Variants in NUP98 observed in about 807,000 individuals in gnomAD.
NUP98 encodes the protein nucleoporin 98 and 96 precursor.
Under a neutral mutation model 191.9 loss-of-function variants are expected in NUP98, and 26 were observed. The ratio of observed to expected loss-of-function variants is 0.14; its 90% CI spans 0.10 to 0.19. The LOEUF (loss-of-function observed/expected upper bound fraction) is 0.19. Among genes scored for constraint, NUP98 ranks in the 10% least tolerant of loss-of-function variants. The pLI, the probability that NUP98 is intolerant of heterozygous loss-of-function variation, is 1.00. For missense variants in NUP98, 1,941 were observed against 2,178.8 expected, an observed-to-expected ratio of 0.89 and a Z score of 2.17; for synonymous variants, 808 against 778.4, an observed-to-expected ratio of 1.04 and a Z score of -0.63.
intron 30 of NUP98, among the ~76,000 whole-genome samples, chr11:3,681,495 T>C (rs2077982638): frequency 6.6e-6 from 1 of 152,248 alleles, no homozygotes; most frequent in Non-Finnish European, 1.5e-5. Context: ...CCTTTGCCCA[T>C]GGGTTGCAGA....
chr11:3,703,827 A>G (rs113217953), intron 22 of NUP98, among the ~76,000 whole-genome samples: 2 of 152,090 alleles, frequency 1.3e-5, no homozygotes, highest in African/African-American at 4.8e-5. Flanking sequence ...TTAAAAAAAA[A>G]TTTTTTTAAC....
At chr11:3,784,933 T>G (rs1203887717) in intron 1 of NUP98, among the ~76,000 whole-genome samples, 3 of 152,046 alleles carry the variant, frequency 2.0e-5, no homozygotes, top group Non-Finnish European at 4.4e-5. Context: ...GACCAGGAGT[T>G]CGAGACCAGC....
chr11:3,757,202 T>C (rs7933512), intron 10 of NUP98, among the ~76,000 whole-genome samples: 28,683 of 151,426 alleles, frequency 0.19, 2,794 homozygotes, highest in Non-Finnish European at 0.22. Context: ...CAGATAAAAA[T>C]AACGGGCTGG....
intron 20 of NUP98, chr11:3,711,745 A>T (rs1273836215): frequency 1.2e-5 from 7 of 567,908 alleles, no homozygotes; most frequent in Non-Finnish European, 1.6e-5. Context: ...TTATAAACAT[A>T]AAAGTCAATA....
chr11:3,694,076 C>CAAAA (rs35430290), intron 26 of NUP98, among the ~76,000 whole-genome samples: 1 of 110,730 alleles, frequency 9.0e-6, no homozygotes. Flanking sequence ...ATTAAAAATA[C>CAAAA]AAAAAAAAAA....
At chr11:3,717,118 C>T (rs1378110342) in intron 18 of NUP98, among the ~76,000 whole-genome samples, 9 of 152,252 alleles carry the variant, frequency 5.9e-5, no homozygotes, top group South Asian at 2.1e-4. Context: ...CCTCAGCCTC[C>T]GGAGTAGCTG....
At chr11:3,729,864 G>A (rs973130244) in intron 14 of NUP98, among the ~76,000 whole-genome samples, 4 of 151,924 alleles carry the variant, frequency 2.6e-5, no homozygotes, top group African/African-American at 9.7e-5. Flanking sequence ...CCTAAGCCCT[G>A]GTGAAGCTGA....
chr11:3,752,143 CA>C (rs112322581), intron 11 of NUP98, among the ~76,000 whole-genome samples: 216 of 121,322 alleles, frequency 1.8e-3, no homozygotes, highest in Admixed American at 3.8e-3. Context: ...GACTCCATCT[CA>C]AAAAAAAAAA....
At chr11:3,736,294 T>C (rs962749429) in intron 12 of NUP98, among the ~76,000 whole-genome samples, 1 of 152,296 alleles carries the variant, frequency 6.6e-6, no homozygotes, top group South Asian at 2.1e-4. Flanking sequence ...AGAAAATAAA[T>C]TCCTAAGCAT....
intron 5 of NUP98, 31 bp downstream of exon 5, chr11:3,775,851 C>A: frequency 6.3e-7 from 1 of 1,598,856 alleles, no homozygotes; most frequent in Non-Finnish European, 8.5e-7. Flanking sequence ...CGGGAAAAAA[C>A]ATTCCACAAA....
At chr11:3,682,853 A>C (rs1013192186) in intron 30 of NUP98, among the ~76,000 whole-genome samples, 4 of 152,224 alleles carry the variant, frequency 2.6e-5, no homozygotes, top group African/African-American at 9.6e-5. Context: ...CTGTATTCTG[A>C]AATTCTCCAA....
chr11:3,759,468 G>A (rs985769279), intron 10 of NUP98, among the ~76,000 whole-genome samples: 3 of 151,976 alleles, frequency 2.0e-5, no homozygotes, highest in Non-Finnish European at 2.9e-5. Flanking sequence ...ACAGTGGTGC[G>A]TGCCTGTATT....
chr11:3,725,070 A>G (rs1446755572), intron 15 of NUP98, 33 bp downstream of exon 15: 1 of 949,198 alleles, frequency 1.1e-6, no homozygotes, highest in African/African-American at 1.6e-5. Context: ...ATAACTCTCT[A>G]CTAAGAAGAA....
At chr11:3,776,390 G>C (rs2081732586) in intron 4 of NUP98, among the ~76,000 whole-genome samples, 1 of 151,826 alleles carries the variant, frequency 6.6e-6, no homozygotes, top group African/African-American at 2.4e-5. Context: ...ATCCTAAAGT[G>C]TTGGGATTAC....
chr11:3,694,744 G>GAA (rs746185283), intron 26 of NUP98, among the ~76,000 whole-genome samples: 5 of 123,016 alleles, frequency 4.1e-5, no homozygotes, highest in Admixed American at 8.6e-5. Context: ...TGTCTCAAGA[G>GAA]AAAAAAAAAA....
intron 20 of NUP98, among the ~76,000 whole-genome samples, chr11:3,710,735 G>C (rs1163194421): frequency 6.6e-6 from 1 of 152,164 alleles, no homozygotes; most frequent in Non-Finnish European, 1.5e-5. Context: ...TTTCCCATCA[G>C]CTTCACTTGG....
chr11:3,765,658 G>C (rs1222099311), intron 8 of NUP98, among the ~76,000 whole-genome samples: 1 of 151,804 alleles, frequency 6.6e-6, no homozygotes, highest in Non-Finnish European at 1.5e-5. Flanking sequence ...AAAATTAGCC[G>C]GGCACGGTGG....
intron 26 of NUP98, 34 bp downstream of exon 26, chr11:3,695,415 C>G (rs1270520803): frequency 6.8e-7 from 1 of 1,479,418 alleles, no homozygotes; most frequent in African/African-American, 1.4e-5. Context: ...ATGAAAAAAC[C>G]AATGTGAGAT....
chr11:3,743,265 C>T (rs1049122753), intron 12 of NUP98, among the ~76,000 whole-genome samples: 1 of 151,698 alleles, frequency 6.6e-6, no homozygotes, highest in Non-Finnish European at 1.5e-5. Context: ...GATCCACCCG[C>T]CTCGGCCTCC....
Sources: allele counts gnomAD v4.1 joint callset (sites outside exome capture counted in the v4.1 genomes callset), GRCh38; gene constraint gnomAD v4.1.1; transcripts MANE v1.5; gene names NCBI Gene and HGNC (gene_info 2026-07-23, HGNC 2026-07-21).